Variants in MMP16 observed in about 807,000 individuals in gnomAD.
MMP16 encodes matrix metalloproteinase-16.
Under a neutral mutation model 67.8 loss-of-function variants are expected in MMP16, and 12 were observed. The ratio of observed to expected loss-of-function variants is 0.18; its 90% CI spans 0.11 to 0.29. The LOEUF is 0.29. Ranked by LOEUF, MMP16 falls within the 10% of genes least tolerant of loss-of-function variation. MMP16 has a pLI of 1.00. For missense variants in MMP16, 475 were observed against 765.7 expected, an observed-to-expected ratio of 0.62 and a Z score of 4.48; for synonymous variants, 249 against 255.9, an observed-to-expected ratio of 0.97 and a Z score of 0.26.
rs1484290091 is a variant in MMP16 at position 88,197,123 on chromosome 8, A to G, written c.281+35T>C. On this transcript the variant is annotated intron_variant, in intron 2 of 9. Transcript: ENST00000286614. ...CCAGACTACTTAGTTTGGCTCAAGGACCAAAAAGAAAGGAGGATGGGAGCC... is the reference window on the plus strand; with the variant it reads ...CCAGACTACTTAGTTTGGCTCAAGGGCCAAAAAGAAAGGAGGATGGGAGCC... 9.4e-6 allele frequency: 15 copies of G among 1,597,202 alleles called. No homozygotes were observed. The African/African-American group carries it at 1.8e-4, about 19-fold the overall frequency.
At chr8:88,178,505 T>C (rs2129731412) in intron 3 of MMP16, among the ~76,000 whole-genome samples, 1 of 152,276 alleles carries the variant, frequency 6.6e-6, no homozygotes, top group Non-Finnish European at 1.5e-5. Context: ...GAAATGAATG[T>C]CAGATAGATT....
intron 4 of MMP16, among the ~76,000 whole-genome samples, chr8:88,142,746 T>C (rs1005989268): frequency 1.3e-5 from 2 of 152,134 alleles, no homozygotes; most frequent in Non-Finnish European, 2.9e-5. Context: ...AGTAGGTGGA[T>C]TGTCATATTT....
intron 1 of MMP16, among the ~76,000 whole-genome samples, chr8:88,263,871 G>T (rs1682298973): frequency 6.6e-6 from 1 of 151,840 alleles, no homozygotes; most frequent in Admixed American, 6.6e-5. Flanking sequence ...TCCATTCAGG[G>T]ACTGGTGCTT....
At chr8:88,119,733 T>C (rs1025306069) in intron 4 of MMP16, among the ~76,000 whole-genome samples, 2 of 152,090 alleles carry the variant, frequency 1.3e-5, no homozygotes, top group African/African-American at 2.4e-5. Flanking sequence ...ATATTTTTAA[T>C]GCTAAAAATT....
chr8:88,303,730 A>G (rs1421918880), intron 1 of MMP16, among the ~76,000 whole-genome samples: 1 of 152,222 alleles, frequency 6.6e-6, no homozygotes, highest in African/African-American at 2.4e-5. Context: ...GCTACAGAAA[A>G]GTAGCCTAAC....
At chr8:88,154,082 A>T (rs1439344494) in intron 4 of MMP16, among the ~76,000 whole-genome samples, 5 of 144,024 alleles carry the variant, frequency 3.5e-5, no homozygotes, top group Non-Finnish European at 6.1e-5. Context: ...TTCTCAAAAG[A>T]AGACATTTAT....
At chr8:88,110,071 A>G (rs1356017315) in intron 6 of MMP16, among the ~76,000 whole-genome samples, 1 of 151,316 alleles carries the variant, frequency 6.6e-6, no homozygotes, top group African/African-American at 2.4e-5. Context: ...AAATATATCC[A>G]AAATTCCAAA....
intron 1 of MMP16, among the ~76,000 whole-genome samples, chr8:88,303,106 C>A (rs1395611685): frequency 2.0e-5 from 3 of 152,202 alleles, no homozygotes; most frequent in Non-Finnish European, 4.4e-5. Flanking sequence ...CTCAGGCACA[C>A]ACAGAGACCC....
chr8:88,112,971 A>C (rs2118417546), intron 6 of MMP16, among the ~76,000 whole-genome samples: 1 of 151,922 alleles, frequency 6.6e-6, no homozygotes, highest in South Asian at 2.1e-4. Flanking sequence ...TACTCATTGA[A>C]ATCTTTGGGC....
intron 1 of MMP16, among the ~76,000 whole-genome samples, chr8:88,272,335 T>C (rs143088610): frequency 6.6e-6 from 1 of 152,176 alleles, no homozygotes; most frequent in Admixed American, 6.5e-5. Context: ...TTAATTCATG[T>C]CAGAGTAAGA....
chr8:88,278,064 A>G (rs1457322866), intron 1 of MMP16, among the ~76,000 whole-genome samples: 4 of 152,202 alleles, frequency 2.6e-5, no homozygotes, highest in African/African-American at 9.7e-5. Flanking sequence ...ATGGCTAAAA[A>G]TATTTGAACG....
chr8:88,254,891 G>A (rs971145089), intron 1 of MMP16, among the ~76,000 whole-genome samples: 1 of 152,106 alleles, frequency 6.6e-6, no homozygotes, highest in Admixed American at 6.6e-5. Flanking sequence ...TGTGACAAAT[G>A]TGCTACATCA....
At chr8:88,167,297 T>C (rs767549833) in intron 4 of MMP16, among the ~76,000 whole-genome samples, 11 of 152,096 alleles carry the variant, frequency 7.2e-5, no homozygotes, top group Non-Finnish European at 1.3e-4. Flanking sequence ...CGGATTAAAT[T>C]ACAAGTAGAA....
At chr8:88,185,369 G>T (rs1431063756) in intron 3 of MMP16, among the ~76,000 whole-genome samples, 2 of 151,688 alleles carry the variant, frequency 1.3e-5, no homozygotes, top group African/African-American at 2.4e-5. Context: ...TAAGGCAGGA[G>T]AATTGCTTGA....
At chr8:88,267,295 C>G (rs1810490760) in intron 1 of MMP16, among the ~76,000 whole-genome samples, 2 of 152,160 alleles carry the variant, frequency 1.3e-5, no homozygotes, top group Non-Finnish European at 2.9e-5. Context: ...AAGTAACTTT[C>G]CCAAGACACA....
intron 2 of MMP16, among the ~76,000 whole-genome samples, chr8:88,189,202 T>C (rs1007000076): frequency 6.6e-6 from 1 of 152,192 alleles, no homozygotes; most frequent in African/African-American, 2.4e-5. Context: ...AGCCCCTTCC[T>C]TACTGAGCTC....
At chr8:88,205,386 T>C (rs961258575) in intron 1 of MMP16, among the ~76,000 whole-genome samples, 1 of 152,114 alleles carries the variant, frequency 6.6e-6, no homozygotes, top group Non-Finnish European at 1.5e-5. Context: ...TCTGAAAAGA[T>C]ACCTACAATA....
chr8:88,307,310 T>C (rs571114091), intron 1 of MMP16, among the ~76,000 whole-genome samples: 1 of 152,242 alleles, frequency 6.6e-6, no homozygotes, highest in East Asian at 1.9e-4. Flanking sequence ...GAGTCTTGAA[T>C]GAAAGTCTTG....
rs548641508 is a variant in MMP16, at chr8:88,086,916, T to C, written c.1084-12173A>G. On this transcript the variant is annotated intron_variant, in intron 6 of 9. Coordinates refer to ENST00000286614, the MANE Select transcript of MMP16 (RefSeq NM_005941.5). ...ATTAAAAGACTGTACCCCTTAACCC[T>C]GGAACAGTTCCCAGCACAATTTGTT... Among the ~76,000 whole-genome samples the C allele has an allele frequency of 3.3e-5, 5 of 151,994 alleles. No homozygotes were observed. In the South Asian group the frequency reaches 1.0e-3, roughly 31 times the overall value.
Sources: gnomAD v4.1 joint callset for allele counts (sites outside exome capture counted in the v4.1 genomes callset) on GRCh38, gnomAD v4.1.1 for gene constraint, MANE v1.5 for transcripts, NCBI Gene and HGNC (gene_info 2026-07-23, HGNC 2026-07-21) for gene names.